Variants in STEAP1B observed in about 807,000 individuals in gnomAD.
The protein encoded by STEAP1B is STEAP family member 1B.
Under a neutral mutation model 27.9 loss-of-function variants are expected in STEAP1B, and 13 were observed. The ratio of observed to expected loss-of-function variants is 0.47; its 90% confidence interval spans 0.30 to 0.74. The LOEUF is 0.74. STEAP1B is among the 30% of genes least tolerant of loss of function. The pLI is 0.06. For missense variants in STEAP1B, 250 were observed against 298.7 expected (o/e 0.84, Z 1.20); for synonymous variants, 86 against 107.1 (o/e 0.80, Z 1.22).
At chr7:22,432,729 C>G (rs138307594) in intron 4 of STEAP1B, among the ~76,000 whole-genome samples, 1 of 152,158 alleles carries the variant, frequency 6.6e-6, no homozygotes, top group South Asian at 2.1e-4. Flanking sequence ...CTTCCTAAAC[C>G]TTGACTAGTA....
intron 4 of STEAP1B, among the ~76,000 whole-genome samples, chr7:22,487,769 C>T (rs926704590): frequency 3.6e-5 from 5 of 138,594 alleles, no homozygotes; most frequent in Admixed American, 8.0e-5. Flanking sequence ...CGCACCATTG[C>T]ACTCCAGCCT....
At chr7:22,461,149 T>C (rs530118028) in intron 4 of STEAP1B, among the ~76,000 whole-genome samples, 1 of 152,342 alleles carries the variant, frequency 6.6e-6, no homozygotes, top group East Asian at 1.9e-4. Flanking sequence ...GGCTGTCAAA[T>C]AGGAACACTA....
intron 4 of STEAP1B, among the ~76,000 whole-genome samples, chr7:22,473,884 G>A (rs192177818): frequency 2.1e-3 from 317 of 152,238 alleles, no homozygotes; most frequent in African/African-American, 7.2e-3. Context: ...GTAAAGTCCC[G>A]TTCCGCTGCC....
intron 4 of STEAP1B, among the ~76,000 whole-genome samples, chr7:22,428,876 T>C (rs1039640288): frequency 6.6e-6 from 1 of 152,162 alleles, no homozygotes; most frequent in African/African-American, 2.4e-5. Flanking sequence ...TTTAATGTAA[T>C]TTACCTCAAT....
intron 4 of STEAP1B, 26 bp from the exon 5 acceptor site, chr7:22,419,862 T>C (rs1452905198): frequency 1.3e-6 from 2 of 1,546,874 alleles, no homozygotes; most frequent in African/African-American, 1.4e-5. Context: ...CAAGAAAGAG[T>C]TGATGTATAG....
At chr7:22,470,738 G>A (rs1213630378) in intron 4 of STEAP1B, among the ~76,000 whole-genome samples, 1 of 152,144 alleles carries the variant, frequency 6.6e-6, no homozygotes, top group Non-Finnish European at 1.5e-5. Context: ...TAGTACTATT[G>A]TAGTGAGGTT....
chr7:22,446,623 A>G (rs944331190), intron 4 of STEAP1B, among the ~76,000 whole-genome samples: 1 of 152,264 alleles, frequency 6.6e-6, no homozygotes, highest in Non-Finnish European at 1.5e-5. Flanking sequence ...TCTGATGGAC[A>G]CTTCCATTGG....
chr7:22,432,286 C>T (rs1046562457), intron 4 of STEAP1B, among the ~76,000 whole-genome samples: 4 of 151,974 alleles, frequency 2.6e-5, no homozygotes, highest in Non-Finnish European at 5.9e-5. Flanking sequence ...CGCTTCTAAT[C>T]CCAGTGCTTT....
intron 4 of STEAP1B, among the ~76,000 whole-genome samples, chr7:22,491,406 T>C (rs2128417176): frequency 6.6e-6 from 1 of 152,278 alleles, no homozygotes; most frequent in South Asian, 2.1e-4. Context: ...GAAATATGAA[T>C]TCATAATAGA....
chr7:22,446,615 T>G (rs1785412950), intron 4 of STEAP1B, among the ~76,000 whole-genome samples: 1 of 152,254 alleles, frequency 6.6e-6, no homozygotes, highest in Non-Finnish European at 1.5e-5. Context: ...AGAACCACTC[T>G]GATGGACACT....
At chr7:22,468,854 G>A (rs543692783) in intron 4 of STEAP1B, among the ~76,000 whole-genome samples, 1 of 152,306 alleles carries the variant, frequency 6.6e-6, no homozygotes, top group Admixed American at 6.5e-5. Context: ...CGTGTTTGTT[G>A]TGATGCTGGT....
At chr7:22,458,635 A>G (rs1277091432) in intron 4 of STEAP1B, among the ~76,000 whole-genome samples, 1 of 152,228 alleles carries the variant, frequency 6.6e-6, no homozygotes, top group Non-Finnish European at 1.5e-5. Context: ...ATGGAGGGAA[A>G]GCATTTTGCA....
intron 4 of STEAP1B, among the ~76,000 whole-genome samples, chr7:22,423,272 A>G (rs1190148534): frequency 6.6e-6 from 1 of 152,212 alleles, no homozygotes; most frequent in Non-Finnish European, 1.5e-5. Context: ...CTAGGTATCT[A>G]CTTAAGAGAA....
chr7:22,483,620 A>C (rs1786124787), intron 4 of STEAP1B, among the ~76,000 whole-genome samples: 1 of 152,076 alleles, frequency 6.6e-6, no homozygotes, highest in South Asian at 2.1e-4. Flanking sequence ...AAAATTTTTC[A>C]TTATCATTAT....
chr7:22,424,895 GA>G (rs34020475), intron 4 of STEAP1B, among the ~76,000 whole-genome samples: 22,723 of 146,676 alleles, frequency 0.15, 1,879 homozygotes, highest in Non-Finnish European at 0.19. Flanking sequence ...ATTGTTAAGT[GA>G]AAAAAAAAAA....
chr7:22,476,512 T>C (rs1158335226), intron 4 of STEAP1B, among the ~76,000 whole-genome samples: 2 of 152,156 alleles, frequency 1.3e-5, no homozygotes, highest in African/African-American at 2.4e-5. Context: ...GGGACCTTCA[T>C]TTAACCCAAA....
At chr7:22,424,712 A>T (rs560496656) in intron 4 of STEAP1B, among the ~76,000 whole-genome samples, 47 of 152,318 alleles carry the variant, frequency 3.1e-4, no homozygotes, top group Middle Eastern at 3.4e-3. Context: ...AGGAGTATTT[A>T]TAATAATAAA....
At chr7:22,495,623 G>C (rs1156977946) in intron 1 of STEAP1B, 2 of 152,110 alleles carry the variant, frequency 1.3e-5, no homozygotes, top group Non-Finnish European at 2.9e-5. Flanking sequence ...GTTTTTATTA[G>C]TTCTGAATTT....
At chr7:22,478,840 A>C (rs1484447742) in intron 4 of STEAP1B, among the ~76,000 whole-genome samples, 1 of 152,146 alleles carries the variant, frequency 6.6e-6, no homozygotes, top group Non-Finnish European at 1.5e-5. Flanking sequence ...AGGTCAGGCC[A>C]CTGTGTTCCC....
Sources: gnomAD v4.1 joint callset for allele counts (sites outside exome capture counted in the v4.1 genomes callset) on GRCh38, gnomAD v4.1.1 for gene constraint, MANE v1.5 for transcripts, NCBI Gene and HGNC (gene_info 2026-07-23, HGNC 2026-07-21) for gene names.